Variants in USH2A observed in about 807,000 individuals in gnomAD.
The protein encoded by USH2A is usherin.
In USH2A, 443 loss-of-function variants were observed where a neutral mutation model predicts 538.9. The ratio of observed to expected loss-of-function variants is 0.82; its 90% CI spans 0.76 to 0.89. The LOEUF is 0.89. USH2A is among the 40% of genes least tolerant of loss of function. The probability of loss-of-function intolerance (pLI) is 0.00; values close to 1 mark genes in which losing one functional copy is unlikely to be tolerated. For missense variants in USH2A, 6,633 were observed against 6,324.8 expected (o/e 1.05, Z -1.65); for synonymous variants, 2,413 against 2,273.5 (o/e 1.06, Z -1.75).
At chr1:216,160,421 T>C (rs2034033870) in intron 21 of USH2A, among the ~76,000 whole-genome samples, 1 of 152,158 alleles carries the variant, frequency 6.6e-6, no homozygotes, top group South Asian at 2.1e-4. Context: ...AATCGGATTA[T>C]GTTTTAGATT....
chr1:216,174,208 T>C, intron 21 of USH2A: 1 of 985,214 alleles, frequency 1.0e-6, no homozygotes, highest in Non-Finnish European at 1.2e-6. Flanking sequence ...TTCATTGTCT[T>C]CACATATGCA....
intron 55 of USH2A, 29 bp from the exon 56 acceptor site, chr1:215,766,817 C>T (rs1427282550): frequency 2.5e-6 from 4 of 1,579,312 alleles, no homozygotes; most frequent in East Asian, 2.2e-5. Flanking sequence ...AAATAAAGTG[C>T]ACCTTAAGAG....
chr1:215,999,130 A>T, intron 33 of USH2A, 72 bp from the exon 34 acceptor site: 2 of 1,279,886 alleles, frequency 1.6e-6, no homozygotes, highest in Non-Finnish European at 2.2e-6. Context: ...TTCAAAGGAC[A>T]CATTTGAACT....
chr1:215,660,697 A>C (rs1262970683), intron 64 of USH2A, among the ~76,000 whole-genome samples: 1 of 152,266 alleles, frequency 6.6e-6, no homozygotes, highest in African/African-American at 2.4e-5. Context: ...AACAAAAGAA[A>C]AAATTAGAGC....
intron 3 of USH2A, among the ~76,000 whole-genome samples, chr1:216,410,409 C>T (rs1177163133): frequency 6.6e-6 from 1 of 151,932 alleles, no homozygotes; most frequent in African/African-American, 2.4e-5. Context: ...CATGTATATT[C>T]GTTGCAGCAC....
In USH2A at chr1:216,422,269, G is replaced by A. The variant is rs1161919436; in HGVS notation, c.68C>T (p.Ala23Val). ...AGTCAAGGATATTGAAGCAAAATAGGCAAAGATCAACATTTCAATGACCTG... is the reference window on the plus strand; with the variant it reads ...AGTCAAGGATATTGAAGCAAAATAGACAAAGATCAACATTTCAATGACCTG... ...LFQVIEMLIF[A>V]YFASISLTES... is the part of the protein sequence containing the mutation. Residue 23 changes from alanine to valine, a missense_variant, in exon 2 of 72, where the codon GCC becomes GTC. Physicochemically the swap from Ala to Val is moderately conservative, Grantham distance 64. Coordinates refer to ENST00000307340, the MANE Select transcript of USH2A (RefSeq NM_206933.4). 1 of 1,613,554 alleles carries A rather than the reference G, an allele frequency of 6.2e-7. No homozygotes were observed. The highest frequency in any genetic ancestry group is 1.7e-5 in the Admixed American group (1 of 59,898).
chr1:215,964,925 C>T (rs1667300095), intron 37 of USH2A, among the ~76,000 whole-genome samples: 1 of 152,106 alleles, frequency 6.6e-6, no homozygotes, highest in Non-Finnish European at 1.5e-5. Flanking sequence ...AATTATAGTT[C>T]AACTCTTTGC....
intron 38 of USH2A, among the ~76,000 whole-genome samples, chr1:215,902,347 A>G (rs1665523519): frequency 2.0e-5 from 3 of 152,200 alleles, no homozygotes; most frequent in Non-Finnish European, 4.4e-5. Context: ...GAATTAGATT[A>G]CATGTTTCAT....
chr1:215,761,796 C>T (rs1660989685), intron 56 of USH2A, among the ~76,000 whole-genome samples: 1 of 152,136 alleles, frequency 6.6e-6, no homozygotes, highest in South Asian at 2.1e-4. Context: ...TGAGAAAGTT[C>T]AGTCCTACCA....
chr1:215,917,643 G>A (rs1264153656), intron 38 of USH2A, among the ~76,000 whole-genome samples: 2 of 151,494 alleles, frequency 1.3e-5, no homozygotes, highest in African/African-American at 4.8e-5. Context: ...AAGAAAAATA[G>A]CAAAATAAAT....
intron 11 of USH2A, among the ~76,000 whole-genome samples, chr1:216,253,180 C>G (rs904382870): frequency 6.9e-6 from 1 of 145,048 alleles, no homozygotes; most frequent in African/African-American, 2.6e-5. Context: ...TGGAGTTTAA[C>G]TCTTGAAAAA....
chr1:215,985,062 G>C (rs912419142), intron 35 of USH2A, among the ~76,000 whole-genome samples: 1 of 152,108 alleles, frequency 6.6e-6, no homozygotes, highest in Non-Finnish European at 1.5e-5. Context: ...AGTTACGCAA[G>C]GTTTGCTCAA....
chr1:215,723,906 G>A (rs2820711), intron 61 of USH2A, among the ~76,000 whole-genome samples: 25,620 of 151,918 alleles, frequency 0.17, 2,291 homozygotes, highest in Non-Finnish European at 0.19. Context: ...TAGAATTACC[G>A]TTCAATCCAG....
intron 21 of USH2A, chr1:216,174,640 C>T (rs2034339457): frequency 1.0e-6 from 1 of 984,868 alleles, no homozygotes; most frequent in South Asian, 4.7e-5. Context: ...AAACAAGAGC[C>T]TCACTTGCTT....
intron 27 of USH2A, among the ~76,000 whole-genome samples, chr1:216,075,614 G>A (rs1187739534): frequency 6.6e-6 from 1 of 152,056 alleles, no homozygotes; most frequent in Non-Finnish European, 1.5e-5. Flanking sequence ...CTAAATTTGA[G>A]CCCCCACTCT....
intron 35 of USH2A, among the ~76,000 whole-genome samples, chr1:215,973,973 C>CAA (rs1048130400): frequency 2.7e-5 from 4 of 150,942 alleles, no homozygotes; most frequent in Non-Finnish European, 4.4e-5. Flanking sequence ...CACACACAAA[C>CAA]ACAGAGTTAC....
intron 38 of USH2A, among the ~76,000 whole-genome samples, chr1:215,930,725 T>C (rs1666342692): frequency 1.3e-5 from 2 of 152,030 alleles, no homozygotes; most frequent in Admixed American, 1.3e-4. Context: ...TTAAACTGAA[T>C]GCTGAATTCC....
intron 32 of USH2A, among the ~76,000 whole-genome samples, chr1:216,044,675 T>G (rs972843490): frequency 6.6e-6 from 1 of 152,160 alleles, no homozygotes; most frequent in Non-Finnish European, 1.5e-5. Context: ...TTTTACAAAT[T>G]CAGAAACTAA....
intron 4 of USH2A, among the ~76,000 whole-genome samples, chr1:216,329,068 T>G (rs967721660): frequency 1.3e-5 from 2 of 152,172 alleles, no homozygotes; most frequent in Non-Finnish European, 2.9e-5. Context: ...CTGCTCTGAC[T>G]TTCCCGTAGG....
Sources: allele counts gnomAD v4.1 joint callset (sites outside exome capture counted in the v4.1 genomes callset), GRCh38; gene constraint gnomAD v4.1.1; transcripts MANE v1.5; gene names NCBI Gene and HGNC (gene_info 2026-07-23, HGNC 2026-07-21).